ATP8B4: variants seen among roughly 807,000 people sequenced by gnomAD.
ATP8B4 encodes probable phospholipid-transporting ATPase IM.
Under a neutral mutation model 145.6 loss-of-function variants are expected in ATP8B4, and 133 were observed. The observed-to-expected ratio is 0.91, with a 90% CI of 0.79 to 1.05. ATP8B4 has a LOEUF of 1.05. ATP8B4 is among the 50% of genes least tolerant of loss of function. ATP8B4 has a pLI of 0.00. For synonymous variants in ATP8B4, 507 were observed against 492.9 expected (o/e 1.03, Z -0.38); for missense variants, 1,458 against 1,425.2 (o/e 1.02, Z -0.37).
At chr15:49,925,243 AC>A (rs1555416223) in intron 16 of ATP8B4, among the ~76,000 whole-genome samples, 1 of 144,682 alleles carries the variant, frequency 6.9e-6, no homozygotes, top group Non-Finnish European at 1.6e-5. Flanking sequence ...CTATAAAAAA[AC>A]TATATTTTCC....
At chr15:49,936,973 C>T (rs1490678306) in intron 14 of ATP8B4, among the ~76,000 whole-genome samples, 1 of 151,618 alleles carries the variant, frequency 6.6e-6, no homozygotes, top group Non-Finnish European at 1.5e-5. Flanking sequence ...GTGTTCTCTC[C>T]AGAGCATCTT....
chr15:50,113,838 C>CAAAAAAAAA (rs67648465), intron 1 of ATP8B4, among the ~76,000 whole-genome samples: 15 of 67,252 alleles, frequency 2.2e-4, no homozygotes, highest in African/African-American at 9.1e-4. Flanking sequence ...AACTCCATCT[C>CAAAAAAAAA]AAAAAAAAAA....
chr15:50,016,823 G>C (rs1182916489), intron 6 of ATP8B4, among the ~76,000 whole-genome samples: 1 of 152,176 alleles, frequency 6.6e-6, no homozygotes, highest in African/African-American at 2.4e-5. Flanking sequence ...AGTCCTAAGG[G>C]GGGATGTGGG....
chr15:50,174,717 T>C (rs1247674218), intron 1 of ATP8B4, among the ~76,000 whole-genome samples: 1 of 152,096 alleles, frequency 6.6e-6, no homozygotes, highest in Admixed American at 6.5e-5. Flanking sequence ...ATGACCATAC[T>C]GCCAAAAGCA....
At chr15:50,137,629 C>G (rs1035625449) in intron 1 of ATP8B4, among the ~76,000 whole-genome samples, 1 of 152,216 alleles carries the variant, frequency 6.6e-6, no homozygotes, top group Non-Finnish European at 1.5e-5. Context: ...TAACAAACAA[C>G]CACGGCACAA....
At chr15:50,006,489 C>CAAA (rs750033683) in intron 7 of ATP8B4, among the ~76,000 whole-genome samples, 3,344 of 47,590 alleles carry the variant, frequency 0.07, 130 homozygotes, top group African/African-American at 0.12. Flanking sequence ...ATGAGACCAC[C>CAAA]AAAAAAAAAA....
At chr15:50,112,681 C>T (rs1488695009) in intron 1 of ATP8B4, among the ~76,000 whole-genome samples, 1 of 152,020 alleles carries the variant, frequency 6.6e-6, no homozygotes, top group Admixed American at 6.5e-5. Context: ...ATCTCCACAT[C>T]TGTAAAGTGG....
chr15:49,979,505 T>C (rs2045972212), intron 12 of ATP8B4, 112 bp downstream of exon 12: 2 of 824,322 alleles, frequency 2.4e-6, no homozygotes, highest in South Asian at 7.9e-5. Flanking sequence ...TTGCAGATCA[T>C]AAGCAGTTAA....
At chr15:50,064,281 T>G (rs1341936368) in intron 3 of ATP8B4, among the ~76,000 whole-genome samples, 2 of 152,160 alleles carry the variant, frequency 1.3e-5, no homozygotes, top group Non-Finnish European at 2.9e-5. Context: ...CAGCCACATC[T>G]GTAATGATGT....
At chr15:49,966,283 C>T (rs888056861) in intron 13 of ATP8B4, among the ~76,000 whole-genome samples, 7 of 152,208 alleles carry the variant, frequency 4.6e-5, no homozygotes, top group Admixed American at 1.3e-4. Context: ...CATTCACACC[C>T]CTGGAAAGGG....
chr15:50,083,903 C>T (rs939877349), intron 2 of ATP8B4, among the ~76,000 whole-genome samples: 8 of 152,168 alleles, frequency 5.3e-5, no homozygotes, highest in African/African-American at 1.7e-4. Flanking sequence ...CAAAGACAAA[C>T]AAGACAATGA....
intron 3 of ATP8B4, among the ~76,000 whole-genome samples, chr15:50,052,408 T>C (rs2052257886): frequency 6.6e-6 from 1 of 152,168 alleles, no homozygotes; most frequent in African/African-American, 2.4e-5. Flanking sequence ...CATGATGAGG[T>C]AGGCTTGGGC....
rs748950307 is a variant in ATP8B4 at position 49,917,025 on chromosome 15, T to C, written c.2050A>G (p.Ile684Val). ...TGDKQETAIN[I>V]GYACNMLTDD... is the part of the protein sequence containing the mutation. ...GTCAGCATGTTGCAGGCATAACCGA[T>C]GTTGATGGCAGTTTCTAACACAAAA... Residue 684 changes from isoleucine (I) to valine (V), a missense_variant, in exon 20 of 28, where the codon ATC (isoleucine) becomes GTC (valine). Ile to Val is a conservative substitution (Grantham distance 29). Transcript: ENST00000284509. 1.2e-6 allele frequency: 2 copies of C among 1,613,992 alleles called. No individual in the cohort carries two copies. Among genetic ancestry groups the C allele is most frequent in the South Asian group, 1.1e-5 (1 of 91,060 alleles).
At chr15:49,904,949 C>T (rs975437058) in intron 20 of ATP8B4, among the ~76,000 whole-genome samples, 7 of 152,120 alleles carry the variant, frequency 4.6e-5, no homozygotes, top group South Asian at 2.1e-4. Flanking sequence ...AAATGAAATA[C>T]GGAATGAGTT....
intron 20 of ATP8B4, 69 bp from the exon 21 acceptor site, chr15:49,901,308 A>C (rs2038005586): frequency 6.7e-7 from 1 of 1,491,408 alleles, no homozygotes; most frequent in African/African-American, 1.4e-5. Flanking sequence ...TCTAACAAGA[A>C]ACTTGCCTAG....
At chr15:49,936,703 A>ATAAT in intron 14 of ATP8B4, among the ~76,000 whole-genome samples, 1 of 151,664 alleles carries the variant, frequency 6.6e-6, no homozygotes, top group East Asian at 1.9e-4. Context: ...ATATTTCTTT[A>ATAAT]TAATTTTCTC....
intron 1 of ATP8B4, among the ~76,000 whole-genome samples, chr15:50,159,235 A>G (rs2044479208): frequency 6.6e-6 from 1 of 152,084 alleles, no homozygotes; most frequent in Non-Finnish European, 1.5e-5. Flanking sequence ...GTTAATTCTT[A>G]GGTATTTTAT....
chr15:50,072,989 T>TAC (rs1567306348), intron 3 of ATP8B4, among the ~76,000 whole-genome samples: 41 of 20,276 alleles, frequency 2.0e-3, no homozygotes, highest in Non-Finnish European at 3.2e-3. Flanking sequence ...TCTATATATA[T>TAC]ATATATATAT....
chr15:50,015,961 G>C (rs1038505384), intron 6 of ATP8B4, among the ~76,000 whole-genome samples: 3 of 152,184 alleles, frequency 2.0e-5, no homozygotes, highest in Non-Finnish European at 4.4e-5. Flanking sequence ...GTGAAAATAA[G>C]AGATGATGAA....
Sources: gnomAD v4.1 joint callset for allele counts (sites outside exome capture counted in the v4.1 genomes callset) on GRCh38, gnomAD v4.1.1 for gene constraint, MANE v1.5 for transcripts, NCBI Gene and HGNC (gene_info 2026-07-23, HGNC 2026-07-21) for gene names.